The following PPTC7 variants were observed in gnomAD, a reference collection of about 807,000 sequenced individuals.
PPTC7 encodes protein phosphatase targeting COQ7, also known as protein phosphatase PTC7 homolog.
A neutral mutation model predicts 30.8 loss-of-function variants in PPTC7; 6 were observed. That is an observed-to-expected ratio of 0.19 (90% CI 0.11 to 0.38). PPTC7 has a LOEUF of 0.38. Among genes scored for constraint, PPTC7 ranks in the 10% least tolerant of loss-of-function variants. The pLI is 1.00. For synonymous variants in PPTC7, 163 were observed against 168.1 expected, an observed-to-expected ratio of 0.97 and a Z score of 0.23; for missense variants, 218 against 404.8, an observed-to-expected ratio of 0.54 and a Z score of 3.96.
chr12:110,550,911 C>A (rs1341477101), intron 2 of PPTC7, among the ~76,000 whole-genome samples: 1 of 152,166 alleles, frequency 6.6e-6, no homozygotes, highest in Non-Finnish European at 1.5e-5. Context: ...TTTCCTCTTG[C>A]TCTTCTTTCT....
intron 2 of PPTC7, 132 bp downstream of exon 2, chr12:110,551,657 A>G (rs2064350424): frequency 1.2e-6 from 1 of 835,120 alleles, no homozygotes; most frequent in Non-Finnish European, 1.9e-6. Context: ...GTTAGCCTAT[A>G]GTTTCTCTAT....
chr12:110,573,303 T>A (rs190489850), intron 1 of PPTC7, among the ~76,000 whole-genome samples: 19 of 152,338 alleles, frequency 1.2e-4, no homozygotes, highest in African/African-American at 4.1e-4. Context: ...TAGTGTTATT[T>A]ATAACAGAAA....
chr12:110,534,216 A>G lies in PPTC7; in HGVS notation c.*2821T>C, dbSNP rs2064200870. The G allele has an allele frequency of 6.6e-6, 1 of 152,194 alleles. No individual in the cohort carries two copies. The highest frequency in any genetic ancestry group is 1.5e-5 in the Non-Finnish European group (1 of 68,026). The allele number at this position is 152,194 out of a possible 1,614,324, so 9.4% of individuals were successfully genotyped here. ...GTGCACATTTTAAAACAACAAAATA[A>G]AAATTTCAAGCATGTGATAAAAATA... On this transcript the variant is annotated 3_prime_UTR_variant, in exon 6 of 6. Coordinates refer to ENST00000354300, the MANE Select transcript of PPTC7 (RefSeq NM_139283.2).
At chr12:110,541,681 C>A (rs1352351205) in intron 3 of PPTC7, among the ~76,000 whole-genome samples, 1 of 124,448 alleles carries the variant, frequency 8.0e-6, no homozygotes. Context: ...GCTAGGGCAA[C>A]GAGAGCTAAA....
At chr12:110,572,672 G>A (rs866040776) in intron 1 of PPTC7, among the ~76,000 whole-genome samples, 4 of 151,964 alleles carry the variant, frequency 2.6e-5, no homozygotes, top group Admixed American at 6.6e-5. Flanking sequence ...TAGTCCTTAG[G>A]ATTCATACCA....
intron 1 of PPTC7, among the ~76,000 whole-genome samples, chr12:110,581,986 T>G (rs1422601334): frequency 6.6e-6 from 1 of 152,206 alleles, no homozygotes; most frequent in African/African-American, 2.4e-5. Context: ...ATGGTAAAGT[T>G]TCTGACTGCT....
rs756157758 is a variant in PPTC7 at position 110,543,849 on chromosome 12, C to T, written c.602+2031G>A. On this transcript the variant is annotated intron_variant, in intron 3 of 5. Transcript: ENST00000354300. ...GCTCTAGGGGAAGCCACCTCCACCT[C>T]GCTGGCATGCCGGCAGAGTACTGCC... Among the ~76,000 whole-genome samples the T allele has an allele frequency of 5.3e-5, 8 of 152,202 alleles. No homozygotes were observed. The East Asian group carries it at 5.8e-4, about 11-fold the overall frequency.
intron 3 of PPTC7, among the ~76,000 whole-genome samples, chr12:110,540,754 T>C (rs1279688954): frequency 1.3e-5 from 2 of 151,378 alleles, no homozygotes; most frequent in African/African-American, 2.4e-5. Context: ...GGATGATGAA[T>C]ACCTGTGGAG....
At chr12:110,560,393 C>T (rs2064428860) in intron 1 of PPTC7, among the ~76,000 whole-genome samples, 1 of 150,402 alleles carries the variant, frequency 6.6e-6, no homozygotes, top group Non-Finnish European at 1.5e-5. Flanking sequence ...CAGAGCGAGA[C>T]CCTGTCTCAA....
rs998952487 is a variant in PPTC7, at chr12:110,578,020, G to A, written c.223+4789C>T. Among the ~76,000 whole-genome samples the A allele has an allele frequency of 5.3e-5, 8 of 152,242 alleles. No homozygotes were observed. The Middle Eastern group carries it at 0.01, about 194-fold the overall frequency. ...AGAAAACTTGACCAGTGGTCTAACG[G>A]GGACAGGACTGGGAAAGGGAGTCTC... On this transcript the variant is annotated intron_variant, in intron 1 of 5. Transcript: ENST00000354300.
In PPTC7 at chr12:110,536,833, A is replaced by C. The variant is rs2064221944; in HGVS notation, c.*204T>G. 2 of 506,598 alleles carry C rather than the reference A, an allele frequency of 3.9e-6. No homozygotes were observed. The highest frequency in any genetic ancestry group is 7.0e-6 in the Non-Finnish European group (2 of 287,224). The allele number at this position is 506,598 out of a possible 1,614,324, so 31.4% of individuals were successfully genotyped here. On this transcript the variant is annotated 3_prime_UTR_variant, in exon 6 of 6. Transcript: ENST00000354300. ...AATCTTCAAATATTGGATCTCTTCA[A>C]TTGCTGCCGGCAGATATGAGCTAGT...
intron 1 of PPTC7, among the ~76,000 whole-genome samples, chr12:110,563,122 CAAAAAAAA>C (rs766517371): frequency 5.6e-4 from 24 of 43,116 alleles, no homozygotes; most frequent in Non-Finnish European, 8.5e-4. Context: ...GACTCCATCT[CAAAAAAAA>C]AAAAAAAAAA....
intron 2 of PPTC7, among the ~76,000 whole-genome samples, chr12:110,548,703 A>C (rs1462658112): frequency 6.6e-6 from 1 of 152,210 alleles, no homozygotes; most frequent in African/African-American, 2.4e-5. Context: ...GTGACTCCTT[A>C]TATACTCACT....
Position 110,535,176 on chromosome 12 carries a change from T to C in PPTC7, c.*1861A>G, listed in dbSNP as rs543980130. ...CATAGCATGATGATTTCTCCTTAAA[T>C]AGAGACTCCGTCCAGACCCCCCACC... On this transcript the variant is annotated 3_prime_UTR_variant, in exon 6 of 6. Transcript: ENST00000354300. 1 of 152,668 alleles carries C rather than the reference T, an allele frequency of 6.6e-6. No homozygotes were observed. Among genetic ancestry groups the C allele is most frequent in the East Asian group, 1.9e-4 (1 of 5,184 alleles). The allele number at this position is 152,668 out of a possible 1,614,324, so 9.5% of individuals were successfully genotyped here.
intron 1 of PPTC7, among the ~76,000 whole-genome samples, chr12:110,574,911 T>C (rs2064574788): frequency 6.6e-6 from 1 of 151,092 alleles, no homozygotes; most frequent in African/African-American, 2.4e-5. Flanking sequence ...CCCTAGTAGC[T>C]AGGATTACAG....
At chr12:110,575,336 G>C (rs763529943) in intron 1 of PPTC7, among the ~76,000 whole-genome samples, 2 of 151,922 alleles carry the variant, frequency 1.3e-5, no homozygotes, top group African/African-American at 2.4e-5. Flanking sequence ...TAAAACTTCT[G>C]AACCTAAAGC....
chr12:110,546,022 CTG>C lies in PPTC7; in HGVS notation c.458_459del (p.Thr153SerfsTer15), dbSNP rs1197831673. On this transcript the variant is annotated frameshift_variant, in exon 3 of 6. Transcript: ENST00000354300. LOFTEE classifies it high-confidence loss of function. ...AGGAAGCCTGAATCGCCCAGGTTTG[CTG>C]TGTGTAAGCGGTGGCTGGTTCTGTC... ...VLDRTSHRLH[T>X]ANLGDSGFLV... is the part of the protein sequence containing the mutation. 2 of 1,614,190 alleles carry C rather than the reference CTG, an allele frequency of 1.2e-6. No individual in the cohort carries two copies. Among genetic ancestry groups the C allele is most frequent in the East Asian group, 2.2e-5 (1 of 44,894 alleles).
At chr12:110,579,841 C>T (rs1008431894) in intron 1 of PPTC7, among the ~76,000 whole-genome samples, 2 of 151,986 alleles carry the variant, frequency 1.3e-5, no homozygotes, top group African/African-American at 4.8e-5. Flanking sequence ...GATGAAACCC[C>T]GTTTGTACTA....
chr12:110,582,510 G>A lies in PPTC7; in HGVS notation c.223+299C>T, dbSNP rs112586430. Among the ~76,000 whole-genome samples, 207 of 152,346 alleles carry A rather than the reference G, an allele frequency of 1.4e-3. 1 individual carries two copies. The highest frequency in any genetic ancestry group is 6.8e-3 in the Middle Eastern group (2 of 294). On this transcript the variant is annotated intron_variant, in intron 1 of 5. Coordinates refer to ENST00000354300, the MANE Select transcript of PPTC7 (RefSeq NM_139283.2). ...GAGGTCGCCCAGGGCTGGCACGGCC[G>A]AGTGAGACCGAGAGTGTGGCTCTGG...
Sources: gnomAD v4.1 joint callset for allele counts (sites outside exome capture counted in the v4.1 genomes callset) on GRCh38, gnomAD v4.1.1 for gene constraint, MANE v1.5 for transcripts, NCBI Gene and HGNC (gene_info 2026-07-23, HGNC 2026-07-21) for gene names.